CAST: variants seen among roughly 807,000 people sequenced by gnomAD.
CAST encodes MIR583 host.
CAST carries 76 observed loss-of-function variants against 119.6 expected under a neutral mutation model. That is an observed-to-expected ratio of 0.64 (90% CI 0.53 to 0.77). The LOEUF (loss-of-function observed/expected upper bound fraction) is 0.77, where lower values mean the gene tolerates loss of function less well. Among genes scored for constraint, CAST ranks in the 30% least tolerant of loss-of-function variants. The pLI is 0.00. For missense variants in CAST, 953 were observed against 946.5 expected, an observed-to-expected ratio of 1.01 and a Z score of -0.09; for synonymous variants, 319 against 331.6, an observed-to-expected ratio of 0.96 and a Z score of 0.41.
chr5:96,289,423 T>C, the CAST span, among the ~76,000 whole-genome samples: 1 of 152,120 alleles, frequency 6.6e-6, no homozygotes, highest in East Asian at 1.9e-4. Flanking sequence ...CAAGAGATAA[T>C]TGAATCATGG....
the CAST span, among the ~76,000 whole-genome samples, chr5:96,452,478 G>T: frequency 1.3e-5 from 2 of 151,848 alleles, no homozygotes; most frequent in Non-Finnish European, 2.9e-5. Flanking sequence ...AACATCACAC[G>T]CTGGGGCCTG....
chr5:96,395,045 A>G, the CAST span: 3 of 1,575,052 alleles, frequency 1.9e-6, no homozygotes, highest in African/African-American at 2.7e-5. Context: ...AAGCATACCT[A>G]CATTTAGTAT....
chr5:96,450,362 G>A, the CAST span, among the ~76,000 whole-genome samples: 2 of 152,158 alleles, frequency 1.3e-5, no homozygotes, highest in African/African-American at 2.4e-5. Flanking sequence ...AAAACCTCAT[G>A]TTCTCACAAG....
intron 2 of CAST, among the ~76,000 whole-genome samples, chr5:96,686,156 C>A (rs895680749): frequency 2.2e-5 from 3 of 136,628 alleles, no homozygotes; most frequent in African/African-American, 9.1e-5. Context: ...TCCTTTAGAT[C>A]TTTTGATTAT....
chr5:96,291,891 G>A, the CAST span, among the ~76,000 whole-genome samples: 58 of 135,898 alleles, frequency 4.3e-4, no homozygotes, highest in African/African-American at 1.5e-3. Context: ...TGTGTGGTGG[G>A]GAAGGTGTGC....
upstream of CAST, among the ~76,000 whole-genome samples, chr5:96,528,827 C>T (rs1323373877): frequency 1.3e-5 from 2 of 152,200 alleles, no homozygotes; most frequent in Non-Finnish European, 2.9e-5. Context: ...CACAAAATAT[C>T]ACATCCACAG....
At chr5:96,399,611 C>T in the CAST span, among the ~76,000 whole-genome samples, 1 of 152,000 alleles carries the variant, frequency 6.6e-6, no homozygotes. Flanking sequence ...TTTCATCAAC[C>T]CTAAGATGCA....
At chr5:96,048,608 G>A in the CAST span, among the ~76,000 whole-genome samples, 2 of 152,106 alleles carry the variant, frequency 1.3e-5, no homozygotes, top group Non-Finnish European at 2.9e-5. Flanking sequence ...TCTTCAGTCA[G>A]AGTAGACTGA....
the CAST span, among the ~76,000 whole-genome samples, chr5:96,229,561 A>G: frequency 1.3e-5 from 2 of 152,246 alleles, no homozygotes; most frequent in African/African-American, 2.4e-5. Flanking sequence ...GTACTGCAGG[A>G]GTGTTGTATT....
chr5:96,298,300 T>C, the CAST span, among the ~76,000 whole-genome samples: 1 of 152,206 alleles, frequency 6.6e-6, no homozygotes, highest in Non-Finnish European at 1.5e-5. Context: ...AGTTTCTGCT[T>C]AGTAAGAAGT....
At chr5:96,043,013 G>A in the CAST span, among the ~76,000 whole-genome samples, 1 of 151,998 alleles carries the variant, frequency 6.6e-6, no homozygotes, top group Admixed American at 6.6e-5. Context: ...TTGTATCAAT[G>A]TATGTATTGC....
chr5:96,595,436 G>A (rs1323793560), intron 1 of CAST, among the ~76,000 whole-genome samples: 1 of 152,208 alleles, frequency 6.6e-6, no homozygotes, highest in Admixed American at 6.5e-5. Context: ...TGAATCAGCA[G>A]CAGAACTCCA....
chr5:96,416,267 TA>T, the CAST span: 10 of 673,264 alleles, frequency 1.5e-5, no homozygotes, highest in Non-Finnish European at 2.4e-5. Context: ...TAGTATAACA[TA>T]AAACTTATGT....
the CAST span, among the ~76,000 whole-genome samples, chr5:96,122,848 A>T: frequency 6.6e-6 from 1 of 152,046 alleles, no homozygotes; most frequent in East Asian, 1.9e-4. Flanking sequence ...CTGCTTTATG[A>T]GGTCAAATAA....
At chr5:96,298,181 A>G in the CAST span, among the ~76,000 whole-genome samples, 1 of 152,214 alleles carries the variant, frequency 6.6e-6, no homozygotes, top group Non-Finnish European at 1.5e-5. Flanking sequence ...CTCTGTAGCA[A>G]TGGTGCAAAA....
Position 96,727,542 on chromosome 5 carries a change from AAGTCTGTTAGTT to A in CAST, c.378+16_378+27del, listed in dbSNP as rs1759498807. ...CACAGTCAACCAAGGTAAATAGTTT[AAGTCTGTTAGTT>A]AGTTATTTGGATTCTTTTTAATAAT... On this transcript the variant is annotated intron_variant, in intron 6 of 31. Transcript: ENST00000675179. 1.3e-6 allele frequency: 2 copies of A among 1,531,624 alleles called. No individual in the cohort carries two copies. The highest frequency in any genetic ancestry group is 3.6e-5 in the Admixed American group (2 of 55,184). 94.9% of individuals were successfully genotyped at this position (1,531,624 alleles called of 1,614,324 possible). A position where few individuals can be genotyped will look rare whatever the true frequency, so the allele number is the denominator to read the frequency against.
the CAST span, among the ~76,000 whole-genome samples, chr5:96,352,578 G>A: frequency 6.6e-6 from 1 of 152,054 alleles, no homozygotes; most frequent in Admixed American, 6.6e-5. Context: ...CCACCAACAG[G>A]GGTAACACCA....
the CAST span, among the ~76,000 whole-genome samples, chr5:96,243,186 T>A: frequency 2.6e-5 from 4 of 152,080 alleles, no homozygotes; most frequent in African/African-American, 9.7e-5. Flanking sequence ...CTGTTTTTTT[T>A]TTTTTTTCTT....
At chr5:96,161,545 A>C in the CAST span, among the ~76,000 whole-genome samples, 97 of 152,278 alleles carry the variant, frequency 6.4e-4, 2 homozygotes, top group Admixed American at 7.8e-4. Context: ...CGTTATAGTA[A>C]ATTTTAAAAG....
Sources: allele counts gnomAD v4.1 joint callset (sites outside exome capture counted in the v4.1 genomes callset), GRCh38; gene constraint gnomAD v4.1.1; transcripts MANE v1.5; gene names NCBI Gene and HGNC (gene_info 2026-07-23, HGNC 2026-07-21).